SLC8B1: variants seen among roughly 807,000 people sequenced by gnomAD.
SLC8B1 encodes mitochondrial sodium/calcium exchanger protein.
Under a neutral mutation model 63.4 loss-of-function variants are expected in SLC8B1, and 52 were observed. The ratio of observed to expected loss-of-function variants is 0.82; its 90% confidence interval spans 0.66 to 1.03. The LOEUF is 1.03. Ranked by LOEUF, SLC8B1 falls within the 50% of genes least tolerant of loss-of-function variation. SLC8B1 has a pLI of 0.00. For missense variants in SLC8B1, 657 were observed against 741.7 expected, an observed-to-expected ratio of 0.89 and a Z score of 1.33; for synonymous variants, 336 against 323.9, an observed-to-expected ratio of 1.04 and a Z score of -0.40.
chr12:113,321,623 C>T (rs1226291496), intron 2 of SLC8B1, among the ~76,000 whole-genome samples: 1 of 151,992 alleles, frequency 6.6e-6, no homozygotes, highest in Non-Finnish European at 1.5e-5. Flanking sequence ...CGTAAATCCC[C>T]CTCTCCAGTG....
chr12:113,318,570 T>C (rs1023651664), intron 8 of SLC8B1, among the ~76,000 whole-genome samples: 5 of 152,230 alleles, frequency 3.3e-5, no homozygotes, highest in South Asian at 4.1e-4. Flanking sequence ...GTGTGTTGTG[T>C]GCATGTATTT....
intron 2 of SLC8B1, among the ~76,000 whole-genome samples, chr12:113,328,257 G>T (rs2136866666): frequency 6.6e-6 from 1 of 152,246 alleles, no homozygotes; most frequent in Admixed American, 6.5e-5. Flanking sequence ...TCAAACTCCT[G>T]GGCTCAAGTG....
rs1225473331 is a variant in SLC8B1, at chr12:113,320,854, A to T, written c.416T>A (p.Val139Glu). 3.1e-5 allele frequency: 49 copies of T among 1,603,786 alleles called. No individual in the cohort carries two copies. Among genetic ancestry groups the T allele is most frequent in the Non-Finnish European group, 4.1e-5 (48 of 1,176,348 alleles). The change falls in exon 5 of 16, where the codon GTG becomes GAG. Residue 139 changes from valine (V) to glutamate (E), a missense_variant. Val to Glu is a moderately radical substitution (Grantham distance 121). Coordinates refer to ENST00000680972, the MANE Select transcript of SLC8B1 (RefSeq NM_001358345.2). The surrounding 1 kb of genome is among the most constrained non-coding windows in gnomAD (Gnocchi z 5.3). ...GGACACTGGACAAAAGGATACTGCC[A>T]CGTTGTGGGAGAGCTTCAGTGTGGT... Reference protein sequence around the residue: ...ISTTLKLSHNVAGVTFLAFGN... With the variant: ...ISTTLKLSHNEAGVTFLAFGN...
intron 8 of SLC8B1, among the ~76,000 whole-genome samples, chr12:113,318,700 G>A (rs1956878647): frequency 6.6e-6 from 1 of 152,186 alleles, no homozygotes; most frequent in Non-Finnish European, 1.5e-5. Flanking sequence ...ATCAGGGCAG[G>A]GAGCAGTGGC....
At position 113,316,972 on chromosome 12, in the gene SLC8B1, C is replaced by A. The variant is rs200612695; in HGVS notation, c.832G>T (p.Val278Leu). The change falls in exon 9 of 16, where the codon GTA becomes TTA. Residue 278 changes from valine to leucine, a missense_variant. Coordinates refer to ENST00000680972, the MANE Select transcript of SLC8B1 (RefSeq NM_001358345.2). ...EILSDSEEDR[V>L]SSNTNSYDYG... ...TCATAGCTGTTGGTATTAGAAGATACCCGGTCCTCCTCGGAGTCTGAGAGG... is the reference window on the plus strand; with the variant it reads ...TCATAGCTGTTGGTATTAGAAGATAACCGGTCCTCCTCGGAGTCTGAGAGG... 143 of 1,613,582 alleles carry A rather than the reference C, an allele frequency of 8.9e-5. No homozygotes were observed. Among genetic ancestry groups the A allele is most frequent in the Middle Eastern group, 8.2e-4 (5 of 6,062 alleles).
chr12:113,306,909 G>A (rs956818613), intron 13 of SLC8B1: 8 of 387,470 alleles, frequency 2.1e-5, no homozygotes, highest in Non-Finnish European at 3.7e-5. Context: ...TCAGGAGTTC[G>A]AGACCAGCCT....
chr12:113,316,834 C>T (rs1956842365), intron 9 of SLC8B1, 108 bp downstream of exon 9: 11 of 1,488,988 alleles, frequency 7.4e-6, no homozygotes, highest in South Asian at 6.0e-5. Context: ...GAGGTGGGGC[C>T]GATTTGGAGC....
intron 11 of SLC8B1, 95 bp from the exon 12 acceptor site, chr12:113,310,450 G>C: frequency 6.7e-7 from 1 of 1,502,894 alleles, no homozygotes; most frequent in African/African-American, 1.4e-5. Context: ...CTTCCTATCT[G>C]CCCAGCCCTG....
chr12:113,328,719 C>T (rs2136867245), intron 2 of SLC8B1, among the ~76,000 whole-genome samples: 1 of 152,090 alleles, frequency 6.6e-6, no homozygotes, highest in South Asian at 2.1e-4. Flanking sequence ...CCTGACTACT[C>T]CCAGCCTAGC....
At position 113,299,385 on chromosome 12, in the gene SLC8B1, G is replaced by GAT; in HGVS notation, c.*391_*392insAT. 1 of 240,992 alleles carries GAT rather than the reference G, an allele frequency of 4.1e-6. No individual in the cohort carries two copies. The highest frequency in any genetic ancestry group is 8.4e-6 in the Non-Finnish European group (1 of 119,106). The allele number at this position is 240,992 out of a possible 1,614,324, so 14.9% of individuals were successfully genotyped here. A position where few individuals can be genotyped will look rare whatever the true frequency, so the allele number is the denominator to read the frequency against. The stretch of plus-strand genomic sequence containing the variant: ...CTGAGAAGGTGCCAGAAGGCCTGAA[G>GAT]CCCAGGCAAGGGGAACGGGCAGTGC... On this transcript the variant is annotated 3_prime_UTR_variant, in exon 16 of 16. Coordinates refer to ENST00000680972, the MANE Select transcript of SLC8B1 (RefSeq NM_001358345.2).
rs57763094 is a variant in SLC8B1 at position 113,303,114 on chromosome 12, GACACAC to G, written c.1557+1201_1557+1206del. On this transcript the variant is annotated intron_variant, in intron 15 of 15. Transcript: ENST00000680972. ...TCCTAAACTCAGCACAAAGGCGGTGGACACACACACACACACACACACACACACGCG... is the reference window on the plus strand; with the variant it reads ...TCCTAAACTCAGCACAAAGGCGGTGGACACACACACACACACACACACGCG... Among the ~76,000 whole-genome samples the G allele has an allele frequency of 4.5e-4, 63 of 140,948 alleles. No homozygotes were observed. The East Asian group carries it at 1.0e-2, about 22-fold the overall frequency. 92.5% of individuals were successfully genotyped at this position (140,948 alleles called of 152,430 possible).
chr12:113,303,071 TAC>T lies in SLC8B1; in HGVS notation c.1557+1248_1557+1249del, dbSNP rs368824979. On this transcript the variant is annotated intron_variant, in intron 15 of 15. Coordinates refer to ENST00000680972, the MANE Select transcript of SLC8B1 (RefSeq NM_001358345.2). ...GGTGGTAGACACACACACACACACG[TAC>T]ACACACACACACACTTCCTAAACTC... Among the ~76,000 whole-genome samples, 1,187 of 130,104 alleles carry T rather than the reference TAC, an allele frequency of 9.1e-3. 8 individuals are homozygous for T. Among genetic ancestry groups the T allele is most frequent in the African/African-American group, 0.023 (803 of 35,530 alleles). The allele number at this position is 130,104 out of a possible 152,430, so 85.4% of individuals were successfully genotyped here. A position where few individuals can be genotyped will look rare whatever the true frequency, so the allele number is the denominator to read the frequency against.
chr12:113,321,314 C>CGGTCAGA lies in SLC8B1; in HGVS notation c.184_190dup (p.Arg64LeufsTer2). The CGGTCAGA allele has an allele frequency of 6.2e-7, 1 of 1,614,050 alleles. No individual in the cohort carries two copies. Among genetic ancestry groups the CGGTCAGA allele is most frequent in the Non-Finnish European group, 8.5e-7 (1 of 1,180,022 alleles). ...AGGGTTGGTCCGGATGAAGTCACAG[C>CGGTCAGA]GGTCAGAGACATTCAGGCCACACAC... On this transcript the variant is annotated stop_gained and frameshift_variant, in exon 3 of 16. Transcript: ENST00000680972. LOFTEE classifies it high-confidence loss of function.
At chr12:113,308,239 G>A (rs1005821414) in intron 12 of SLC8B1, 28 of 176,790 alleles carry the variant, frequency 1.6e-4, no homozygotes, top group African/African-American at 4.3e-4. Context: ...CCAGCTACTC[G>A]AGAGGCTGAG....
chr12:113,326,282 T>C (rs1429220147), intron 2 of SLC8B1, among the ~76,000 whole-genome samples: 1 of 152,238 alleles, frequency 6.6e-6, no homozygotes, highest in Admixed American at 6.5e-5. Context: ...CAGTGAGTAG[T>C]TGTAGAAACC....
intron 14 of SLC8B1, among the ~76,000 whole-genome samples, chr12:113,304,837 A>C (rs973688497): frequency 6.6e-6 from 1 of 152,162 alleles, no homozygotes; most frequent in Admixed American, 6.5e-5. Flanking sequence ...CACTGGACTC[A>C]AGTGATTCTC....
At chr12:113,307,625 G>A in intron 13 of SLC8B1, 66 bp downstream of exon 13, 2 of 1,555,862 alleles carry the variant, frequency 1.3e-6, no homozygotes, top group Non-Finnish European at 1.7e-6. Flanking sequence ...GACTCTGGCT[G>A]GGGGAGGAAA....
At chr12:113,328,116 T>C (rs1957017753) in intron 2 of SLC8B1, among the ~76,000 whole-genome samples, 1 of 152,054 alleles carries the variant, frequency 6.6e-6, no homozygotes, top group South Asian at 2.1e-4. Flanking sequence ...CACTCCAGCC[T>C]CAACCACTCA....
At chr12:113,316,173 G>A (rs965250664) in intron 10 of SLC8B1, among the ~76,000 whole-genome samples, 2 of 151,378 alleles carry the variant, frequency 1.3e-5, no homozygotes, top group African/African-American at 4.9e-5. Context: ...GCAGTGAGCC[G>A]AGACCGCGCC....
Sources: gnomAD v4.1 joint callset for allele counts (sites outside exome capture counted in the v4.1 genomes callset) on GRCh38, gnomAD v4.1.1 for gene constraint, Gnocchi (gnomAD v3.1) non-coding constraint, MANE v1.5 for transcripts, NCBI Gene and HGNC (gene_info 2026-07-23, HGNC 2026-07-21) for gene names.